CORIN: variants seen among roughly 807,000 people sequenced by gnomAD.
CORIN encodes corin, serine peptidase, also known as atrial natriuretic peptide-converting enzyme.
Under a neutral mutation model 125.3 loss-of-function variants are expected in CORIN, and 117 were observed. The observed-to-expected ratio is 0.93, with a 90% CI of 0.80 to 1.09. The LOEUF (loss-of-function observed/expected upper bound fraction) is 1.09. CORIN is among the 50% of genes least tolerant of loss of function. The pLI is 0.00. For synonymous variants in CORIN, 450 were observed against 466.4 expected, an observed-to-expected ratio of 0.96 and a Z score of 0.45; for missense variants, 1,253 against 1,306.7, an observed-to-expected ratio of 0.96 and a Z score of 0.63.
intron 4 of CORIN, among the ~76,000 whole-genome samples, chr4:47,751,819 C>T (rs1728916279): frequency 6.6e-6 from 1 of 152,124 alleles, no homozygotes; most frequent in Non-Finnish European, 1.5e-5. Context: ...GTGTGCCTGG[C>T]ACATTATAGG....
intron 3 of CORIN, among the ~76,000 whole-genome samples, chr4:47,766,983 A>G (rs1052439629): frequency 6.6e-6 from 1 of 151,230 alleles, no homozygotes; most frequent in African/African-American, 2.4e-5. Context: ...CTATTTTCCT[A>G]TTCAAGATGT....
intron 5 of CORIN, 42 bp from the exon 6 acceptor site, chr4:47,693,125 T>G (rs776202899): frequency 1.9e-5 from 24 of 1,253,476 alleles, no homozygotes; most frequent in Middle Eastern, 1.9e-4. Flanking sequence ...ATAAGATGGG[T>G]TTTTTTTCTT....
intron 2 of CORIN, among the ~76,000 whole-genome samples, chr4:47,787,598 T>C (rs1408334623): frequency 2.0e-5 from 3 of 152,108 alleles, no homozygotes; most frequent in Non-Finnish European, 4.4e-5. Flanking sequence ...AATGTAATTA[T>C]ATGAAATAAG....
chr4:47,717,365 G>C (rs1254243718), intron 5 of CORIN, among the ~76,000 whole-genome samples: 1 of 152,056 alleles, frequency 6.6e-6, no homozygotes, highest in Non-Finnish European at 1.5e-5. Flanking sequence ...CAGACTCCCG[G>C]GATCTCAGCT....
At position 47,819,174 on chromosome 4, in the gene CORIN, AGAG is replaced by A. The variant is rs1193953163; in HGVS notation, c.64-12130_64-12128del. The stretch of plus-strand genomic sequence containing the variant: ...CAAGCCTAGGTTAGATGCGGATTTG[AGAG>A]GAGAACACCTTCTGGGTAGGAATTA... On this transcript the variant is annotated intron_variant, in intron 1 of 21. Coordinates refer to ENST00000273857, the MANE Select transcript of CORIN (RefSeq NM_006587.4). 2.0e-5 allele frequency among the ~76,000 whole-genome samples: 3 copies of A among 152,146 alleles called. No individual in the cohort carries two copies. In the South Asian group the frequency reaches 6.2e-4, roughly 32 times the overall value.
At chr4:47,710,722 C>A (rs1475392952) in intron 5 of CORIN, among the ~76,000 whole-genome samples, 1 of 152,234 alleles carries the variant, frequency 6.6e-6, no homozygotes, top group Non-Finnish European at 1.5e-5. Flanking sequence ...GCTGAAGACT[C>A]CATTTCCCAG....
rs112649908 is a variant in CORIN at position 47,692,866 on chromosome 4, G to A, written c.913+104C>T. On this transcript the variant is annotated intron_variant, in intron 6 of 21. Transcript: ENST00000273857. ...TGGGGGAAGATAAACACGTTTGCTC[G>A]CTTTAGAAAGGCAAACAAAAAGCAG... is the stretch of plus-strand genomic sequence containing the variant. The A allele has an allele frequency of 1.7e-4, 141 of 831,740 alleles. No homozygotes were observed. The African/African-American group carries it at 1.9e-3, about 11-fold the overall frequency. The allele number at this position is 831,740 out of a possible 1,614,324, so 51.5% of individuals were successfully genotyped here.
At chr4:47,794,050 T>A (rs1731188980) in intron 2 of CORIN, among the ~76,000 whole-genome samples, 1 of 152,152 alleles carries the variant, frequency 6.6e-6, no homozygotes, top group Non-Finnish European at 1.5e-5. Flanking sequence ...CCTCCGCTGG[T>A]GAATCTGCAA....
intron 19 of CORIN, among the ~76,000 whole-genome samples, chr4:47,604,313 T>G (rs1288414187): frequency 1.3e-5 from 2 of 152,202 alleles, no homozygotes; most frequent in Non-Finnish European, 2.9e-5. Context: ...TCAGTCTCCA[T>G]GTTGAAATGC....
intron 5 of CORIN, among the ~76,000 whole-genome samples, chr4:47,700,638 C>A (rs1726242711): frequency 6.6e-6 from 1 of 152,192 alleles, no homozygotes. Context: ...GAGTGCTAGA[C>A]AGAACGCGCC....
intron 5 of CORIN, among the ~76,000 whole-genome samples, chr4:47,732,724 C>T (rs1348408479): frequency 1.3e-5 from 2 of 152,226 alleles, no homozygotes; most frequent in South Asian, 2.1e-4. Context: ...CCACCACGCC[C>T]GGCTTTTTTA....
rs748190152 is a variant in CORIN at position 47,645,194 on chromosome 4, C to T, written c.1844G>A (p.Gly615Asp). ...CDDDSDEENC[G>D]CKERDLWECP... ...TTCCCAAAGATCTCTCTCTTTACAA[C>T]CTAGAGACAGAAGAAAAGGTTATTT... Residue 615 changes from glycine to aspartate, a missense_variant and splice_region_variant, in exon 14 of 22, where the codon GGT becomes GAT. By Grantham distance (94) the Gly-to-Asp change is moderately conservative. Transcript: ENST00000273857. 7 of 1,527,814 alleles carry T rather than the reference C, an allele frequency of 4.6e-6. No homozygotes were observed. In the South Asian group the frequency reaches 4.6e-5, roughly 10 times the overall value. 94.6% of individuals were successfully genotyped at this position (1,527,814 alleles called of 1,614,324 possible). A position where few individuals can be genotyped will look rare whatever the true frequency, so the allele number is the denominator to read the frequency against.
intron 16 of CORIN, among the ~76,000 whole-genome samples, chr4:47,626,981 G>C (rs538939915): frequency 8.1e-6 from 1 of 124,008 alleles, no homozygotes; most frequent in Non-Finnish European, 1.7e-5. Context: ...GGTTGTTGTT[G>C]TTGTTGTTGT....
intron 10 of CORIN, among the ~76,000 whole-genome samples, chr4:47,666,741 C>A (rs896572066): frequency 1.3e-5 from 2 of 152,282 alleles, no homozygotes; most frequent in African/African-American, 4.8e-5. Context: ...CAACTGTCTG[C>A]AAACCAGGAA....
chr4:47,626,014 T>C (rs1306926223), intron 17 of CORIN, among the ~76,000 whole-genome samples: 1 of 152,224 alleles, frequency 6.6e-6, no homozygotes, highest in Non-Finnish European at 1.5e-5. Context: ...TTTTTGTGTC[T>C]ATTCCTCTCT....
Position 47,706,924 on chromosome 4 carries a change from T to TA in CORIN, c.800-13842_800-13841insT, listed in dbSNP as rs1726596807. ...AGGGCCATAAGTTCCACCACACTATTTGTGGTTCTCGCCGGGCAGCTTGGA... is the reference window on the plus strand; with the variant it reads ...AGGGCCATAAGTTCCACCACACTATTATGTGGTTCTCGCCGGGCAGCTTGGA... On this transcript the variant is annotated intron_variant, in intron 5 of 21. Coordinates refer to ENST00000273857, the MANE Select transcript of CORIN (RefSeq NM_006587.4). The TA allele has an allele frequency of 1.9e-6, 3 of 1,599,520 alleles. No homozygotes were observed. The Admixed American group carries it at 5.0e-5, about 27-fold the overall frequency.
At chr4:47,640,307 T>C (rs1046571375) in intron 16 of CORIN, among the ~76,000 whole-genome samples, 7 of 152,160 alleles carry the variant, frequency 4.6e-5, no homozygotes, top group Non-Finnish European at 1.5e-5. Flanking sequence ...TATTATTCAG[T>C]CACAAGCAGG....
chr4:47,678,141 G>T, intron 8 of CORIN, 87 bp from the exon 9 acceptor site: 1 of 895,572 alleles, frequency 1.1e-6, no homozygotes, highest in Non-Finnish European at 1.9e-6. Context: ...CATTTATCAA[G>T]CATCGCTAAG....
intron 5 of CORIN, among the ~76,000 whole-genome samples, chr4:47,718,753 C>CAACA (rs1727214470): frequency 6.6e-6 from 1 of 152,118 alleles, no homozygotes; most frequent in Non-Finnish European, 1.5e-5. Flanking sequence ...GTTTCCTAGT[C>CAACA]AACACTACAG....
Sources: allele counts gnomAD v4.1 joint callset (sites outside exome capture counted in the v4.1 genomes callset), GRCh38; gene constraint gnomAD v4.1.1; transcripts MANE v1.5; gene names NCBI Gene and HGNC (gene_info 2026-07-23, HGNC 2026-07-21).